HSD17B12: variants seen among roughly 807,000 people sequenced by gnomAD.
HSD17B12 encodes very-long-chain 3-oxoacyl-CoA reductase.
HSD17B12 carries 32 observed loss-of-function variants against 39.3 expected under a neutral mutation model. The observed-to-expected ratio is 0.81, with a 90% CI of 0.61 to 1.09. HSD17B12 has a LOEUF of 1.09. Ranked by LOEUF, HSD17B12 falls within the 50% of genes least tolerant of loss-of-function variation. The pLI, the probability that HSD17B12 is intolerant of heterozygous loss-of-function variation, is 0.00. For missense variants in HSD17B12, 342 were observed against 382.9 expected (o/e 0.89, Z 0.89); for synonymous variants, 150 against 146.7 (o/e 1.02, Z -0.16).
intron 3 of HSD17B12, among the ~76,000 whole-genome samples, chr11:43,785,345 G>T (rs181333836): frequency 1.6e-4 from 25 of 152,284 alleles, no homozygotes; most frequent in Non-Finnish European, 2.8e-4. Flanking sequence ...TGGGAAAAAG[G>T]TTGAATACAG....
At chr11:43,792,056 T>G (rs1390072860) in intron 3 of HSD17B12, among the ~76,000 whole-genome samples, 2 of 152,228 alleles carry the variant, frequency 1.3e-5, no homozygotes, top group Non-Finnish European at 2.9e-5. Flanking sequence ...AGATCAATTA[T>G]TCCCTTCTGG....
At chr11:43,636,811 G>A in the HSD17B12 span, among the ~76,000 whole-genome samples, 6 of 151,934 alleles carry the variant, frequency 3.9e-5, no homozygotes, top group Admixed American at 1.3e-4. Context: ...GAAGATATTC[G>A]TAATATGCCT....
the HSD17B12 span, among the ~76,000 whole-genome samples, chr11:43,625,513 G>T: frequency 0.037 from 5,607 of 151,168 alleles, 350 homozygotes; most frequent in African/African-American, 0.13. Flanking sequence ...ATTTTAAAAG[G>T]CAGATATGAC....
chr11:43,840,191 T>G, intron 9 of HSD17B12, 127 bp downstream of exon 9: 1 of 683,164 alleles, frequency 1.5e-6, no homozygotes. Context: ...AGCACACCAT[T>G]AAAAACGTGG....
chr11:43,608,919 T>G, the HSD17B12 span, among the ~76,000 whole-genome samples: 1 of 152,016 alleles, frequency 6.6e-6, no homozygotes, highest in Non-Finnish European at 1.5e-5. Flanking sequence ...TGAGAAAACA[T>G]ATGCACAACC....
intron 1 of HSD17B12, among the ~76,000 whole-genome samples, chr11:43,748,180 A>T: frequency 6.6e-6 from 1 of 152,318 alleles, no homozygotes; most frequent in African/African-American, 2.4e-5. Flanking sequence ...TTGCTACTCT[A>T]GTCACAATAC....
chr11:43,677,959 G>T (rs970078336), upstream of HSD17B12, among the ~76,000 whole-genome samples: 7 of 152,322 alleles, frequency 4.6e-5, no homozygotes, highest in Admixed American at 3.3e-4. Flanking sequence ...GTAATGGGAA[G>T]GTTGGGTCAA....
intron 3 of HSD17B12, among the ~76,000 whole-genome samples, chr11:43,789,584 G>A (rs1565090334): frequency 1.3e-5 from 2 of 152,178 alleles, no homozygotes; most frequent in African/African-American, 4.8e-5. Flanking sequence ...AGTGGTGGTG[G>A]AATATTATGA....
At chr11:43,741,734 CTTTTT>C (rs534584200) in intron 1 of HSD17B12, among the ~76,000 whole-genome samples, 1 of 130,492 alleles carries the variant, frequency 7.7e-6, no homozygotes, top group Admixed American at 7.7e-5. Context: ...TTTTCTTTTT[CTTTTT>C]TTTTTTTTTT....
rs1032579606 is a variant in HSD17B12 at position 43,739,830 on chromosome 11, T to C, written c.161-11081T>C. ...TAAAAATTTCAGCACAACTGGGGCA[T>C]GCTTGAGTGGAAGGAGGAAAGTGGT... On this transcript the variant is annotated intron_variant, in intron 1 of 10. Coordinates refer to ENST00000278353, the MANE Select transcript of HSD17B12 (RefSeq NM_016142.3). 1.1e-4 allele frequency among the ~76,000 whole-genome samples: 17 copies of C among 152,300 alleles called. No individual in the cohort carries two copies. The East Asian group carries it at 3.3e-3, about 29-fold the overall frequency.
intron 1 of HSD17B12, among the ~76,000 whole-genome samples, chr11:43,742,383 C>G (rs761648723): frequency 6.6e-6 from 1 of 151,824 alleles, no homozygotes. Flanking sequence ...CTCAAGCATT[C>G]TTCCCACCTC....
In HSD17B12 at chr11:43,855,199, T is replaced by A; in HGVS notation, c.890T>A (p.Met297Lys). 1 of 1,611,922 alleles carries A rather than the reference T, an allele frequency of 6.2e-7. No individual in the cohort carries two copies. ...SWIYLKIVMN[M>K]NKSTRAHYLK... ...ATTTATTTGAAAATAGTCATGAATA[T>A]GAACAAGTCTACACGGGCTCACTAT... Residue 297 changes from methionine (M) to lysine (K), a missense_variant, in exon 11 of 11, where the codon ATG becomes AAG. Coordinates refer to ENST00000278353, the MANE Select transcript of HSD17B12 (RefSeq NM_016142.3).
rs115661313 is a variant in HSD17B12, at chr11:43,728,533, C to A, written c.161-22378C>A. ...TCCTCTACCTAGAGGTAACTACCAT[C>A]AACTTTTTGGTCTGTGGCTCTTTTA... On this transcript the variant is annotated intron_variant, in intron 1 of 10. Coordinates refer to ENST00000278353, the MANE Select transcript of HSD17B12 (RefSeq NM_016142.3). Among the ~76,000 whole-genome samples the A allele has an allele frequency of 6.1e-3, 929 of 151,910 alleles. 10 individuals carry two copies. Among genetic ancestry groups the A allele is most frequent in the African/African-American group, 0.021 (876 of 41,464 alleles).
At chr11:43,567,337 C>A in the HSD17B12 span, among the ~76,000 whole-genome samples, 1 of 152,164 alleles carries the variant, frequency 6.6e-6, no homozygotes, top group African/African-American at 2.4e-5. Context: ...TCCATTCTAG[C>A]CCAACTTGCA....
chr11:43,795,810 A>G (rs1565092490), intron 3 of HSD17B12, among the ~76,000 whole-genome samples: 3 of 152,196 alleles, frequency 2.0e-5, no homozygotes, highest in Admixed American at 6.5e-5. Flanking sequence ...GAGTCAAGAC[A>G]TATAGACAAG....
intron 1 of HSD17B12, among the ~76,000 whole-genome samples, chr11:43,721,628 A>G: frequency 6.6e-6 from 1 of 152,098 alleles, no homozygotes; most frequent in East Asian, 1.9e-4. Flanking sequence ...CAAAAAAGAA[A>G]AAGAATGTTC....
At chr11:43,614,229 C>G in the HSD17B12 span, among the ~76,000 whole-genome samples, 1 of 152,056 alleles carries the variant, frequency 6.6e-6, no homozygotes, top group African/African-American at 2.4e-5. Flanking sequence ...CTTTAAAAGT[C>G]TTTATTTTGC....
intron 1 of HSD17B12, among the ~76,000 whole-genome samples, chr11:43,690,530 G>C (rs1462743026): frequency 6.7e-6 from 1 of 148,936 alleles, no homozygotes; most frequent in Admixed American, 6.7e-5. Context: ...ATGTGTCCCA[G>C]CTGTGTCTGG....
the HSD17B12 span, among the ~76,000 whole-genome samples, chr11:43,579,675 G>C: frequency 5.3e-5 from 8 of 152,132 alleles, no homozygotes; most frequent in African/African-American, 4.8e-5. Flanking sequence ...GGCGCGGCGG[G>C]CGCGCAGACG....
Sources: allele counts gnomAD v4.1 joint callset (sites outside exome capture counted in the v4.1 genomes callset), GRCh38; gene constraint gnomAD v4.1.1; transcripts MANE v1.5; gene names NCBI Gene and HGNC (gene_info 2026-07-23, HGNC 2026-07-21).